LITAF: variants seen among roughly 807,000 people sequenced by gnomAD.
The protein encoded by LITAF is lipopolysaccharide-induced tumor necrosis factor-alpha factor.
In LITAF, 9 loss-of-function variants were observed where a neutral mutation model predicts 14.5. The ratio of observed to expected loss-of-function variants is 0.62; its 90% CI spans 0.37 to 1.08. The LOEUF is 1.08. Ranked by LOEUF, LITAF falls within the 50% of genes least tolerant of loss-of-function variation. LITAF has a pLI of 0.01. For missense variants in LITAF, 206 were observed against 213.4 expected (o/e 0.97, Z 0.22); for synonymous variants, 98 against 88.2 (o/e 1.11, Z -0.62).
At position 11,632,427 on chromosome 16, in the gene LITAF, C is replaced by A. The variant is rs1479860786; in HGVS notation, c.85+1106G>T. On this transcript the variant is annotated intron_variant, in intron 3 of 3. Transcript: ENST00000574848. The surrounding 1 kb of genome is among the most constrained non-coding windows in gnomAD (Gnocchi z 4.8). ...ACAGGGAGAGGGACAGAGAGGGCTA[C>A]TATGCTCCACTGTCTGCTGGAAACC... Among the ~76,000 whole-genome samples, 1 of 151,898 alleles carries A rather than the reference C, an allele frequency of 6.6e-6. No homozygotes were observed. The highest frequency in any genetic ancestry group is 1.5e-5 in the Non-Finnish European group (1 of 67,952).
In LITAF at chr16:11,605,451, G is replaced by A. The variant is rs1371253806; in HGVS notation, c.85+28082C>T. On this transcript the variant is annotated intron_variant, in intron 3 of 3. Transcript: ENST00000574848. The surrounding 1 kb of genome is among the most constrained non-coding windows in gnomAD (Gnocchi z 4.7). ...TGCCCTGGGCTCCCTTCACAGTGTG[G>A]GGGACCCCTTCCCAGCCCCGTGTCT... Among the ~76,000 whole-genome samples the A allele has an allele frequency of 6.6e-6, 1 of 152,156 alleles. No homozygotes were observed. Among genetic ancestry groups the A allele is most frequent in the Non-Finnish European group, 1.5e-5 (1 of 68,024 alleles).
intron 3 of LITAF, among the ~76,000 whole-genome samples, chr16:11,615,357 C>T (rs1228536462): frequency 6.6e-6 from 1 of 152,004 alleles, no homozygotes; most frequent in African/African-American, 2.4e-5. Context: ...GTCAACATGG[C>T]GAAACCCCGT....
At chr16:11,614,206 A>T (rs2043024522) in intron 3 of LITAF, among the ~76,000 whole-genome samples, 1 of 152,060 alleles carries the variant, frequency 6.6e-6, no homozygotes, top group Non-Finnish European at 1.5e-5. Flanking sequence ...TGGAGGCTAG[A>T]AGTCTGAAAT....
chr16:11,595,140 C>G lies in LITAF; in HGVS notation c.-6+3248G>C, dbSNP rs113902886. Among the ~76,000 whole-genome samples the G allele has an allele frequency of 4.0e-3, 608 of 152,268 alleles. 6 individuals are homozygous for G. Among genetic ancestry groups the G allele is most frequent in the African/African-American group, 0.014 (578 of 41,562 alleles). On this transcript the variant is annotated intron_variant, in intron 1 of 3. Transcript: ENST00000571627. Reference sequence around the variant, plus strand: ...GACCAATTCCGGTCACTCATGTTTCCATAACACCTTTCCATTTCTAAAACA... The same window carrying G: ...GACCAATTCCGGTCACTCATGTTTCGATAACACCTTTCCATTTCTAAAACA...
At chr16:11,579,006 T>TG (rs35235531) in intron 1 of LITAF, among the ~76,000 whole-genome samples, 1 of 151,720 alleles carries the variant, frequency 6.6e-6, no homozygotes, top group African/African-American at 2.4e-5. Flanking sequence ...CTGGCCAACA[T>TG]GGGGAAACCC....
At chr16:11,568,679 T>TTG (rs1244693470) in intron 1 of LITAF, among the ~76,000 whole-genome samples, 1 of 129,242 alleles carries the variant, frequency 7.7e-6, no homozygotes, top group Non-Finnish European at 1.6e-5. Flanking sequence ...CCTTGTTTTT[T>TTG]TTTGTTTTTT....
intron 3 of LITAF, among the ~76,000 whole-genome samples, chr16:11,627,572 G>T (rs2065091586): frequency 6.6e-6 from 1 of 152,234 alleles, no homozygotes; most frequent in South Asian, 2.1e-4. Context: ...GCCTGGGAGT[G>T]GCGGCTCACG....
At chr16:11,603,844 A>G (rs1332960426) in intron 3 of LITAF, among the ~76,000 whole-genome samples, 1 of 151,936 alleles carries the variant, frequency 6.6e-6, no homozygotes, top group African/African-American at 2.4e-5. Context: ...GGAGATCGAG[A>G]CCATCCTGGC....
chr16:11,564,809 T>C (rs1464541775), intron 1 of LITAF, among the ~76,000 whole-genome samples: 1 of 151,976 alleles, frequency 6.6e-6, no homozygotes, highest in African/African-American at 2.4e-5. Flanking sequence ...ACAGATCAAA[T>C]GATTCCACTG....
At position 11,553,726 on chromosome 16, in the gene LITAF, G is replaced by C. The variant is rs775910528; in HGVS notation, c.221-37C>G. 2 of 1,612,836 alleles carry C rather than the reference G, an allele frequency of 1.2e-6. No individual in the cohort carries two copies. The highest frequency in any genetic ancestry group is 1.3e-5 in the African/African-American group (1 of 74,910). On this transcript the variant is annotated intron_variant, in intron 2 of 3. Transcript: ENST00000622633. This position sits in a 1 kb window ranked among gnomAD's most constrained non-coding sequence, Gnocchi z 7.7. ...GAGAGGGACAAACACAGGTTGCTCAGGAAACAAGGCCAATAGCATTCACTA... is the reference window on the plus strand; with the variant it reads ...GAGAGGGACAAACACAGGTTGCTCACGAAACAAGGCCAATAGCATTCACTA...
intron 1 of LITAF, among the ~76,000 whole-genome samples, chr16:11,585,482 T>C (rs776109295): frequency 1.3e-5 from 2 of 152,056 alleles, no homozygotes; most frequent in Non-Finnish European, 2.9e-5. Context: ...CCAAGTGCAA[T>C]ATGGGTGTTA....
chr16:11,616,271 T>A (rs2065019216), intron 3 of LITAF, among the ~76,000 whole-genome samples: 1 of 152,098 alleles, frequency 6.6e-6, no homozygotes, highest in African/African-American at 2.4e-5. Context: ...GCCAGGGATT[T>A]GAGACCAGCC....
At chr16:11,614,457 G>A (rs762774560) in intron 3 of LITAF, among the ~76,000 whole-genome samples, 1 of 151,480 alleles carries the variant, frequency 6.6e-6, no homozygotes, top group African/African-American at 2.4e-5. Flanking sequence ...ACACCACCAG[G>A]CCCGGCTAAT....
At chr16:11,626,400 G>C (rs2065084051) in intron 3 of LITAF, among the ~76,000 whole-genome samples, 1 of 146,460 alleles carries the variant, frequency 6.8e-6, no homozygotes, top group African/African-American at 2.4e-5. Context: ...CTGGAGTGCA[G>C]TGGTGCAATC....
At chr16:11,609,154 C>T (rs1456655545) in intron 3 of LITAF, among the ~76,000 whole-genome samples, 1 of 151,598 alleles carries the variant, frequency 6.6e-6, no homozygotes, top group Middle Eastern at 3.2e-3. Context: ...TGTTCTGAAA[C>T]TGACAGTGGT....
intron 3 of LITAF, among the ~76,000 whole-genome samples, chr16:11,628,648 G>A (rs536596739): frequency 2.3e-4 from 35 of 152,040 alleles, no homozygotes; most frequent in African/African-American, 8.4e-4. Context: ...GATTACAGGT[G>A]TGTGCCACCA....
chr16:11,607,540 T>C (rs1463813976), intron 3 of LITAF, among the ~76,000 whole-genome samples: 2 of 151,452 alleles, frequency 1.3e-5, no homozygotes, highest in East Asian at 3.8e-4. Context: ...ATGGGTATCA[T>C]TCGGGAAAAA....
chr16:11,571,110 C>T (rs900769055), intron 1 of LITAF, among the ~76,000 whole-genome samples: 1 of 152,118 alleles, frequency 6.6e-6, no homozygotes, highest in Non-Finnish European at 1.5e-5. Flanking sequence ...CTCTGTCGCC[C>T]AGGCTGGAGT....
intron 1 of LITAF, among the ~76,000 whole-genome samples, chr16:11,561,748 G>T (rs373417504): frequency 3.9e-5 from 6 of 151,914 alleles, no homozygotes; most frequent in African/African-American, 1.2e-4. Context: ...TTTCAATTTG[G>T]CTTATCTCCT....
Sources: allele counts gnomAD v4.1 joint callset (sites outside exome capture counted in the v4.1 genomes callset), GRCh38; gene constraint gnomAD v4.1.1; non-coding constraint Gnocchi (gnomAD v3.1); transcripts MANE v1.5; gene names NCBI Gene and HGNC (gene_info 2026-07-23, HGNC 2026-07-21).